The following BICDL1 variants were observed in gnomAD, a reference collection of about 807,000 sequenced individuals.
BICDL1 encodes BICD family-like cargo adapter 1.
Under a neutral mutation model 76.8 loss-of-function variants are expected in BICDL1, and 20 were observed. The ratio of observed to expected loss-of-function variants is 0.26; its 90% CI spans 0.18 to 0.38. The LOEUF (loss-of-function observed/expected upper bound fraction) is 0.38, where lower values mean the gene tolerates loss of function less well. BICDL1 is among the 10% of genes least tolerant of loss of function. BICDL1 has a pLI of 1.00. For synonymous variants in BICDL1, 383 were observed against 337.1 expected (o/e 1.14, Z -1.49); for missense variants, 700 against 798.6 (o/e 0.88, Z 1.49).
At position 120,057,013 on chromosome 12, in the gene BICDL1, G is replaced by A. The variant is rs1594177547; in HGVS notation, c.646-4697G>A. ...GGAGCCCAGTGGTCCTCTCGCCCAC[G>A]CAGGTGGGAATGGTAACAGCAATGG... On this transcript the variant is annotated intron_variant, in intron 2 of 9. Coordinates refer to ENST00000548673, the MANE Select transcript of BICDL1 (RefSeq NM_001367886.1). The A allele has an allele frequency of 5.8e-5, 29 of 503,580 alleles. 1 individual carries two copies. Among genetic ancestry groups the A allele is most frequent in the South Asian group, 4.1e-4 (28 of 68,582 alleles). The allele number at this position is 503,580 out of a possible 1,614,324, so 31.2% of individuals were successfully genotyped here. A position where few individuals can be genotyped will look rare whatever the true frequency, so the allele number is the denominator to read the frequency against.
rs201157328 is a variant in BICDL1, at chr12:119,998,681, G to A, written c.590G>A (p.Arg197Gln). The change falls in exon 2 of 10, where the codon CGG (arginine) becomes CAG (glutamine). Residue 197 changes from arginine (R) to glutamine (Q), a missense_variant. This residue lies in a region of BICDL1 where 455 missense variants were observed against 548.7 expected (regional missense o/e 0.83). Coordinates refer to ENST00000548673, the MANE Select transcript of BICDL1 (RefSeq NM_001367886.1). The part of the protein sequence containing the change: ...HLREADREKS[R>Q]AVQELSEQNQ... ...CGGGAAGCAGATCGAGAAAAATCAC[G>A]GGCTGTCCAGGAACTGTCGGAACAG... 1.5e-5 allele frequency: 24 copies of A among 1,614,046 alleles called. No individual in the cohort carries two copies. Among genetic ancestry groups the A allele is most frequent in the East Asian group, 6.7e-5 (3 of 44,884 alleles).
At chr12:120,012,209 T>G (rs937558046) in intron 2 of BICDL1, among the ~76,000 whole-genome samples, 4 of 152,138 alleles carry the variant, frequency 2.6e-5, no homozygotes, top group African/African-American at 7.2e-5. Context: ...CACAACAAAA[T>G]TTATTTTCCA....
Position 120,032,092 on chromosome 12 carries a change from A to G in BICDL1, c.646-29618A>G, listed in dbSNP as rs148865871. On this transcript the variant is annotated intron_variant, in intron 2 of 9. Transcript: ENST00000548673. ...GGGCAATAGAGTGAGACCCTATTTC[A>G]AAAAGAAAATACTTCCCACTGTATC... Among the ~76,000 whole-genome samples the G allele has an allele frequency of 7.5e-4, 114 of 152,292 alleles. 1 individual carries two copies. In the East Asian group the frequency reaches 0.017, roughly 22 times the overall value.
chr12:119,993,862 C>T (rs1012224726), intron 1 of BICDL1, among the ~76,000 whole-genome samples: 4 of 151,932 alleles, frequency 2.6e-5, no homozygotes, highest in Admixed American at 6.6e-5. Flanking sequence ...GTGATCCTCC[C>T]GCCTCAGCCT....
At chr12:120,041,061 T>C (rs1054499091) in intron 2 of BICDL1, among the ~76,000 whole-genome samples, 5 of 152,170 alleles carry the variant, frequency 3.3e-5, no homozygotes, top group Non-Finnish European at 7.4e-5. Flanking sequence ...GGAAATACTT[T>C]TAAGAAAAAA....
chr12:120,091,468 G>T (rs775724490), intron 9 of BICDL1: 2 of 998,884 alleles, frequency 2.0e-6, no homozygotes, highest in African/African-American at 1.7e-5. Flanking sequence ...TGAGCACGTC[G>T]TAAGTGCAGG....
intron 2 of BICDL1, among the ~76,000 whole-genome samples, chr12:120,017,892 C>T (rs1408552677): frequency 6.6e-6 from 1 of 152,184 alleles, no homozygotes; most frequent in Non-Finnish European, 1.5e-5. Context: ...TAATAGTAGT[C>T]TGCTTTTCAC....
chr12:120,081,701 TG>T (rs1221972088), intron 8 of BICDL1, among the ~76,000 whole-genome samples: 1 of 152,004 alleles, frequency 6.6e-6, no homozygotes, highest in Non-Finnish European at 1.5e-5. Flanking sequence ...TTAGTTTTTT[TG>T]TTGTTTGTTT....
At chr12:120,036,575 G>T (rs1444305243) in intron 2 of BICDL1, among the ~76,000 whole-genome samples, 2 of 152,078 alleles carry the variant, frequency 1.3e-5, no homozygotes, top group Non-Finnish European at 2.9e-5. Context: ...GGAAAGCTTA[G>T]AACTATTGGT....
chr12:119,990,642 A>G (rs1032419916), intron 1 of BICDL1, among the ~76,000 whole-genome samples: 1 of 152,232 alleles, frequency 6.6e-6, no homozygotes, highest in Non-Finnish European at 1.5e-5. Flanking sequence ...AAGCATTTAA[A>G]ATATGTTGCA....
At chr12:120,054,575 T>C (rs1034128298) in intron 2 of BICDL1, among the ~76,000 whole-genome samples, 5 of 152,150 alleles carry the variant, frequency 3.3e-5, no homozygotes, top group African/African-American at 1.2e-4. Flanking sequence ...ATTACAGTCA[T>C]ATAAAATGAG....
chr12:119,995,349 T>A (rs1293862469), intron 1 of BICDL1, among the ~76,000 whole-genome samples: 1 of 152,190 alleles, frequency 6.6e-6, no homozygotes, highest in Admixed American at 6.5e-5. Context: ...AAACATGAAA[T>A]AGGAAGTTTG....
chr12:120,042,029 G>A (rs981249463), intron 2 of BICDL1, among the ~76,000 whole-genome samples: 1 of 152,188 alleles, frequency 6.6e-6, no homozygotes, highest in African/African-American at 2.4e-5. Context: ...GGCTGTAGGA[G>A]GGCAAGGGTA....
chr12:120,072,442 C>T lies in BICDL1; in HGVS notation c.1090-69C>T, dbSNP rs911896938. The T allele has an allele frequency of 1.1e-5, 16 of 1,460,174 alleles. No individual in the cohort carries two copies. In the African/African-American group the frequency reaches 2.0e-4, roughly 18 times the overall value. 90.5% of individuals were successfully genotyped at this position (1,460,174 alleles called of 1,614,324 possible). ...GGGTATCAGTATTTTGGGTTCAGAG[C>T]TAGAAAAAGATGGCCAGGTAGCAGT... On this transcript the variant is annotated intron_variant, in intron 5 of 9. Coordinates refer to ENST00000548673, the MANE Select transcript of BICDL1 (RefSeq NM_001367886.1).
chr12:120,023,642 T>A (rs1459722251), intron 2 of BICDL1, among the ~76,000 whole-genome samples: 3 of 151,836 alleles, frequency 2.0e-5, no homozygotes, highest in Admixed American at 1.3e-4. Flanking sequence ...TACAAAAAAT[T>A]AGCTGAGCGT....
At chr12:120,083,228 A>T (rs540885243) in intron 8 of BICDL1, among the ~76,000 whole-genome samples, 7 of 152,230 alleles carry the variant, frequency 4.6e-5, no homozygotes, top group African/African-American at 1.7e-4. Context: ...ACATATTTAC[A>T]TATCCCCTAT....
At chr12:120,027,814 T>C (rs1952339592) in intron 2 of BICDL1, among the ~76,000 whole-genome samples, 1 of 152,230 alleles carries the variant, frequency 6.6e-6, no homozygotes, top group South Asian at 2.1e-4. Context: ...ATTTTCATCT[T>C]AAGACAGAGG....
chr12:120,027,023 A>ATTCCTTTTTTTTTTTTTTTT (rs1555285375), intron 2 of BICDL1, among the ~76,000 whole-genome samples: 1 of 137,260 alleles, frequency 7.3e-6, no homozygotes. Flanking sequence ...TAATGATGTA[A>ATTCCTTTTTTTTTTTTTTTT]TTTCTTTTTT....
intron 2 of BICDL1, among the ~76,000 whole-genome samples, chr12:119,998,968 G>T (rs1016419757): frequency 6.0e-5 from 9 of 150,612 alleles, no homozygotes; most frequent in South Asian, 2.1e-4. Flanking sequence ...GAGGTGGGGG[G>T]ATCGCTTGAG....
Sources: allele counts gnomAD v4.1 joint callset (sites outside exome capture counted in the v4.1 genomes callset), GRCh38; gene constraint gnomAD v4.1.1; regional missense constraint gnomAD v4.1.1; transcripts MANE v1.5; gene names NCBI Gene and HGNC (gene_info 2026-07-23, HGNC 2026-07-21).